Variants in ZC4H2 observed in about 807,000 individuals in gnomAD.
ZC4H2 encodes zinc finger C4H2-type containing, also known as zinc finger C4H2 domain-containing protein.
For missense variants in ZC4H2, 137 were observed against 173.9 expected, an observed-to-expected ratio of 0.79 and a Z score of 1.19; for synonymous variants, 84 against 66.3, an observed-to-expected ratio of 1.27 and a Z score of -1.30.
intron 1 of ZC4H2, among the ~76,000 whole-genome samples, chrX:64,944,141 C>CTTTTTTTTTTTT (rs746540220): frequency 1.1e-5 from 1 of 89,175 alleles, no homozygotes; most frequent in Non-Finnish European, 2.2e-5. Flanking sequence ...TTTCTTTTTT[C>CTTTTTTTTTTTT]TTTTTTTTTT....
rs1929078014 is a variant in ZC4H2, at chrX:64,919,360, T to C, written c.399-156A>G. Reference sequence around the variant, plus strand: ...GCACAAGGCTATTGTCCCTGGGTACTAGGCCCAATGTCTGATGAGAAGGGT... The same window carrying C: ...GCACAAGGCTATTGTCCCTGGGTACCAGGCCCAATGTCTGATGAGAAGGGT... On this transcript the variant is annotated intron_variant, in intron 3 of 4. Coordinates refer to ENST00000374839, the MANE Select transcript of ZC4H2 (RefSeq NM_018684.4). 16 of 538,358 alleles carry C rather than the reference T, an allele frequency of 3.0e-5. No individual in the cohort carries two copies. The South Asian group carries it at 5.2e-4, about 17-fold the overall frequency. 44.4% of individuals were successfully genotyped at this position (538,358 alleles called of 1,213,427 possible). A position where few individuals can be genotyped will look rare whatever the true frequency, so the allele number is the denominator to read the frequency against.
intron 1 of ZC4H2, among the ~76,000 whole-genome samples, chrX:64,931,808 A>C (rs1929761158): frequency 9.0e-6 from 1 of 111,638 alleles, no homozygotes; most frequent in Non-Finnish European, 1.9e-5. Flanking sequence ...ATACACTGAA[A>C]AAAAGAATGC....
intron 1 of ZC4H2, among the ~76,000 whole-genome samples, chrX:64,934,723 T>A (rs1393139713): frequency 9.0e-6 from 1 of 111,707 alleles, no homozygotes; most frequent in Non-Finnish European, 1.9e-5. Flanking sequence ...TCGCCTCAAC[T>A]GGGAAGTGCA....
At chrX:64,954,356 T>TTATATATATATATAATTATATATA (rs1931051401) in intron 1 of ZC4H2, among the ~76,000 whole-genome samples, 2 of 67,427 alleles carry the variant, frequency 3.0e-5, no homozygotes, top group African/African-American at 2.8e-4. Context: ...ATATATATAA[T>TTATATATATATATAATTATATATA]TATATATATA....
intron 1 of ZC4H2, among the ~76,000 whole-genome samples, chrX:65,002,547 G>A (rs1216575470): frequency 3.6e-4 from 40 of 110,655 alleles, no homozygotes; most frequent in South Asian, 1.1e-3. Flanking sequence ...CCGCCACCCC[G>A]TCTGGGAGGT....
chrX:64,949,010 C>A (rs1332831557), intron 1 of ZC4H2, among the ~76,000 whole-genome samples: 1 of 111,518 alleles, frequency 9.0e-6, no homozygotes, highest in Non-Finnish European at 1.9e-5. Context: ...AATAAAAGCA[C>A]AACAGGGTTT....
intron 1 of ZC4H2, among the ~76,000 whole-genome samples, chrX:65,004,977 C>T (rs1345818526): frequency 8.1e-5 from 9 of 111,434 alleles, no homozygotes; most frequent in Non-Finnish European, 1.3e-4. Flanking sequence ...AACTCCCATT[C>T]ACAATTGCTA....
chrX:64,944,588 G>A (rs761198005), intron 1 of ZC4H2, among the ~76,000 whole-genome samples: 2 of 110,929 alleles, frequency 1.8e-5, no homozygotes, highest in East Asian at 5.7e-4. Flanking sequence ...GTATCTTAGT[G>A]GTGCTCTCTG....
chrX:65,029,827 A>C (rs1932916871), intron 1 of ZC4H2, among the ~76,000 whole-genome samples: 1 of 110,778 alleles, frequency 9.0e-6, no homozygotes, highest in Non-Finnish European at 1.9e-5. Context: ...TGCTGTGTGA[A>C]GGATGAGGTC....
intron 1 of ZC4H2, among the ~76,000 whole-genome samples, chrX:64,957,851 G>C (rs1362528349): frequency 9.1e-6 from 1 of 109,700 alleles, no homozygotes; most frequent in Non-Finnish European, 1.9e-5. Flanking sequence ...GAGAGAGTGA[G>C]ACCAGGTTTC....
chrX:64,952,734 C>T (rs112160350), intron 1 of ZC4H2, among the ~76,000 whole-genome samples: 1,674 of 109,932 alleles, frequency 0.015, 43 homozygotes, highest in African/African-American at 0.053. Flanking sequence ...GTGAAAATGG[C>T]CATACTGCCC....
chrX:64,918,673 T>G, intron 4 of ZC4H2: 1 of 137,682 alleles, frequency 7.3e-6, no homozygotes. Context: ...TTCCTCTCCT[T>G]TCTTGACTAT....
rs1389883441 is a variant in ZC4H2 at position 64,916,139 on chromosome X, GTT to G, written c.*1642_*1643del. 1 of 111,994 alleles carries G rather than the reference GTT, an allele frequency of 8.9e-6. No homozygotes were observed. Among genetic ancestry groups the G allele is most frequent in the Non-Finnish European group, 1.9e-5 (1 of 53,223 alleles). The allele number at this position is 111,994 out of a possible 1,213,427, so 9.2% of individuals were successfully genotyped here. ...TGTTTAACTCTGAAAAAGCTTTTAA[GTT>G]TTTGGAGGTTCAGTATCCCTTTTTT... On this transcript the variant is annotated 3_prime_UTR_variant, in exon 5 of 5. Coordinates refer to ENST00000374839, the MANE Select transcript of ZC4H2 (RefSeq NM_018684.4).
rs182763859 is a variant in ZC4H2 at position 65,005,619 on chromosome X, T to A, written c.-272+29010A>T. ...ACCATAAAAACCCTAGAAGAAAACC[T>A]AGGCAATGCCATTCAGGACATAGGC... On this transcript the variant is annotated intron_variant, in intron 1 of 4. Transcript: ENST00000337990. Among the ~76,000 whole-genome samples the A allele has an allele frequency of 3.6e-3, 399 of 111,472 alleles. 1 individual carries two copies. The highest frequency in any genetic ancestry group is 0.012 in the African/African-American group (363 of 30,450).
chrX:64,964,166 G>A (rs1931503401), intron 1 of ZC4H2, among the ~76,000 whole-genome samples: 1 of 110,898 alleles, frequency 9.0e-6, no homozygotes, highest in Admixed American at 9.6e-5. Context: ...AAAATTTGTT[G>A]AGGGTAGATC....
chrX:64,988,864 T>C (rs1342353237), intron 1 of ZC4H2, among the ~76,000 whole-genome samples: 1 of 111,731 alleles, frequency 9.0e-6, no homozygotes, highest in Non-Finnish European at 1.9e-5. Context: ...AGGTCTAACA[T>C]TTAAGTCTTC....
rs975683857 is a variant in ZC4H2, at chrX:64,976,434, T to C, written c.-57A>G. The C allele has an allele frequency of 2.6e-6, 3 of 1,143,887 alleles. No individual in the cohort carries two copies. The highest frequency in any genetic ancestry group is 3.6e-6 in the Non-Finnish European group (3 of 834,195). 94.3% of individuals were successfully genotyped at this position (1,143,887 alleles called of 1,213,427 possible). ...ATGTACAAATACACCAGCCAAGGGATACAATAGACACAATGTAGCCACCTC... is the reference window on the plus strand; with the variant it reads ...ATGTACAAATACACCAGCCAAGGGACACAATAGACACAATGTAGCCACCTC... On this transcript the variant is annotated 5_prime_UTR_variant, in exon 1 of 5. Transcript: ENST00000374839.
intron 1 of ZC4H2, among the ~76,000 whole-genome samples, chrX:64,933,907 T>C (rs894827438): frequency 3.6e-5 from 4 of 111,951 alleles, no homozygotes; most frequent in East Asian, 2.8e-4. Context: ...TCATACATAA[T>C]GGTAGGCTAA....
At chrX:65,007,430 T>G (rs1375407174) in intron 1 of ZC4H2, among the ~76,000 whole-genome samples, 1 of 112,537 alleles carries the variant, frequency 8.9e-6, no homozygotes, top group Middle Eastern at 4.2e-3. Flanking sequence ...GAAGTGCAAA[T>G]CTAAAGTCTT....
Sources: allele counts gnomAD v4.1 joint callset (sites outside exome capture counted in the v4.1 genomes callset), GRCh38; gene constraint gnomAD v4.1.1; transcripts MANE v1.5; gene names NCBI Gene and HGNC (gene_info 2026-07-23, HGNC 2026-07-21).